TFEC: variants seen among roughly 807,000 people sequenced by gnomAD.
TFEC encodes the protein class E basic helix-loop-helix protein 34.
A neutral mutation model predicts 41.6 loss-of-function variants in TFEC; 31 were observed. The observed-to-expected ratio is 0.74, with a 90% CI of 0.56 to 1.01. The LOEUF (loss-of-function observed/expected upper bound fraction) is 1.01, where lower values mean the gene tolerates loss of function less well. TFEC is among the 50% of genes least tolerant of loss of function. TFEC has a pLI of 0.00. For missense variants in TFEC, 402 were observed against 404.1 expected (o/e 0.99, Z 0.04); for synonymous variants, 143 against 140.6 (o/e 1.02, Z -0.12).
chr7:116,041,711 G>A (rs1221926523), intron 3 of TFEC, among the ~76,000 whole-genome samples: 1 of 152,288 alleles, frequency 6.6e-6, no homozygotes, highest in East Asian at 1.9e-4. Context: ...ACTGAAAGCA[G>A]GCAGAGATTG....
intron 1 of TFEC, among the ~76,000 whole-genome samples, chr7:116,143,941 C>T (rs192567531): frequency 2.6e-4 from 40 of 152,242 alleles, no homozygotes; most frequent in Non-Finnish European, 4.0e-4. Flanking sequence ...AGAGCCTCGC[C>T]GAGCGCGGTG....
intron 1 of TFEC, among the ~76,000 whole-genome samples, chr7:116,021,962 A>G (rs1021288878): frequency 6.6e-6 from 1 of 152,168 alleles, no homozygotes; most frequent in African/African-American, 2.4e-5. Context: ...GGCTCCCCCC[A>G]GAGTTGGTCC....
chr7:115,957,305 C>A lies in TFEC; in HGVS notation c.268-512G>T, dbSNP rs140301240. ...TGTTAATTAAATGAGAAACTCTTCC[C>A]TTCCTGGAAGGCATACTTTTTCTCA... On this transcript the variant is annotated intron_variant, in intron 3 of 7. Coordinates refer to ENST00000265440, the MANE Select transcript of TFEC (RefSeq NM_012252.4). 6.1e-4 allele frequency among the ~76,000 whole-genome samples: 93 copies of A among 151,924 alleles called. 1 individual carries two copies. The highest frequency in any genetic ancestry group is 2.1e-3 in the African/African-American group (88 of 41,512).
At chr7:116,076,468 G>A (rs1173753748) in intron 3 of TFEC, among the ~76,000 whole-genome samples, 1 of 151,996 alleles carries the variant, frequency 6.6e-6, no homozygotes, top group African/African-American at 2.4e-5. Context: ...TCGATTATTA[G>A]GCTGATCATG....
chr7:116,024,356 G>C (rs911452198), intron 1 of TFEC, among the ~76,000 whole-genome samples: 6 of 152,056 alleles, frequency 3.9e-5, no homozygotes, highest in African/African-American at 1.4e-4. Flanking sequence ...AATTTAAAAG[G>C]GTCCTAGAAA....
chr7:115,960,119 C>A (rs148153755), intron 3 of TFEC, among the ~76,000 whole-genome samples: 2,330 of 149,690 alleles, frequency 0.016, 37 homozygotes, highest in Non-Finnish European at 0.021. Context: ...AAATAATATA[C>A]AATAATAAAG....
chr7:115,945,487 G>A (rs939248783), intron 6 of TFEC, among the ~76,000 whole-genome samples: 5 of 151,646 alleles, frequency 3.3e-5, no homozygotes, highest in African/African-American at 1.2e-4. Context: ...AACAGGTGAG[G>A]CCACAGCAAG....
At position 116,088,539 on chromosome 7, in the gene TFEC, C is replaced by T. The variant is rs1449135128; in HGVS notation, c.198+22169G>A. Among the ~76,000 whole-genome samples, 5 of 151,952 alleles carry T rather than the reference C, an allele frequency of 3.3e-5. No homozygotes were observed. The East Asian group carries it at 5.8e-4, about 18-fold the overall frequency. ...GGGTGGTTGTATTGGTCAATTGAGT[C>T]AATATATTTTTTAAAAAACCTATTT... is the stretch of plus-strand genomic sequence containing the variant. On this transcript the variant is annotated intron_variant, in intron 3 of 8. Coordinates refer to the TFEC transcript ENST00000484212.
chr7:116,110,587 TG>T, intron 3 of TFEC: 2 of 648,020 alleles, frequency 3.1e-6, no homozygotes, highest in Non-Finnish European at 4.5e-6. Context: ...GAGGAAGCCC[TG>T]GGTTTTTATT....
intron 1 of TFEC, among the ~76,000 whole-genome samples, chr7:116,113,512 T>C (rs1469276436): frequency 6.6e-6 from 1 of 151,996 alleles, no homozygotes; most frequent in Non-Finnish European, 1.5e-5. Context: ...TCTCTTGTCT[T>C]AAGTCACCCA....
At chr7:115,956,031 G>A (rs191529027) in intron 4 of TFEC, among the ~76,000 whole-genome samples, 26 of 152,002 alleles carry the variant, frequency 1.7e-4, no homozygotes, top group Admixed American at 1.2e-3. Flanking sequence ...AAACCCTTAC[G>A]TTGATCCAGT....
At chr7:115,985,466 T>C (rs985868832) in intron 1 of TFEC, among the ~76,000 whole-genome samples, 2 of 152,146 alleles carry the variant, frequency 1.3e-5, no homozygotes, top group Non-Finnish European at 2.9e-5. Flanking sequence ...CGATTTAATA[T>C]TTCCCTCATG....
At position 115,941,087 on chromosome 7, in the gene TFEC, T is replaced by C. The variant is rs1335281848; in HGVS notation, c.664-156A>G. 10 of 748,182 alleles carry C rather than the reference T, an allele frequency of 1.3e-5. No homozygotes were observed. In the South Asian group the frequency reaches 1.7e-4, roughly 13 times the overall value. The allele number at this position is 748,182 out of a possible 1,614,324, so 46.3% of individuals were successfully genotyped here. A position where few individuals can be genotyped will look rare whatever the true frequency, so the allele number is the denominator to read the frequency against. ...TAATCTTTGCAAATAATGAAATTGA[T>C]ACATTTCTGATGCATGAAAAATAAC... On this transcript the variant is annotated intron_variant, in intron 7 of 7. Transcript: ENST00000265440.
At chr7:116,157,818 T>C (rs888419792) in intron 1 of TFEC, among the ~76,000 whole-genome samples, 1 of 152,298 alleles carries the variant, frequency 6.6e-6, no homozygotes, top group South Asian at 2.1e-4. Context: ...ACAGAACTTC[T>C]GTCACACCGA....
At chr7:116,110,962 A>G (rs1797841911) in intron 2 of TFEC, 3 of 1,203,770 alleles carry the variant, frequency 2.5e-6, no homozygotes, top group African/African-American at 1.6e-5. Context: ...AGCACTGTAA[A>G]ACACATACAA....
At chr7:116,077,115 C>T (rs1335520905) in intron 3 of TFEC, among the ~76,000 whole-genome samples, 1 of 152,126 alleles carries the variant, frequency 6.6e-6, no homozygotes, top group Admixed American at 6.6e-5. Flanking sequence ...GATTGAGGTC[C>T]TATTTTTAGC....
At chr7:115,943,494 A>T (rs1223406680) in intron 6 of TFEC, among the ~76,000 whole-genome samples, 1 of 152,014 alleles carries the variant, frequency 6.6e-6, no homozygotes, top group Non-Finnish European at 1.5e-5. Flanking sequence ...AAACCTTCAA[A>T]ATGGTAGTAG....
intron 1 of TFEC, among the ~76,000 whole-genome samples, chr7:115,996,494 A>G (rs989215280): frequency 9.2e-5 from 14 of 152,012 alleles, no homozygotes. Context: ...ATGTGATCCA[A>G]CGTATTCCCA....
intron 3 of TFEC, among the ~76,000 whole-genome samples, chr7:116,075,151 A>T (rs1210377770): frequency 6.6e-6 from 1 of 152,216 alleles, no homozygotes; most frequent in Admixed American, 6.5e-5. Flanking sequence ...TAAATATACT[A>T]AAAAACTATT....
Sources: allele counts gnomAD v4.1 joint callset (sites outside exome capture counted in the v4.1 genomes callset), GRCh38; gene constraint gnomAD v4.1.1; transcripts MANE v1.5; gene names NCBI Gene and HGNC (gene_info 2026-07-23, HGNC 2026-07-21).